Variants in CDK6 observed in about 807,000 individuals in gnomAD.
CDK6 encodes the protein cyclin-dependent kinase 6.
A neutral mutation model predicts 37.1 loss-of-function variants in CDK6; 6 were observed. The ratio of observed to expected loss-of-function variants is 0.16; its 90% CI spans 0.09 to 0.32. CDK6 has a LOEUF of 0.32. Ranked by LOEUF, CDK6 falls within the 10% of genes least tolerant of loss-of-function variation. The probability of loss-of-function intolerance (pLI) is 1.00; values close to 1 mark genes in which losing one functional copy is unlikely to be tolerated. For missense variants in CDK6, 224 were observed against 418.9 expected, an observed-to-expected ratio of 0.53 and a Z score of 4.06; for synonymous variants, 160 against 161.3, an observed-to-expected ratio of 0.99 and a Z score of 0.06.
intron 2 of CDK6, among the ~76,000 whole-genome samples, chr7:92,822,108 A>T (rs1226460343): frequency 6.6e-6 from 1 of 152,148 alleles, no homozygotes; most frequent in Non-Finnish European, 1.5e-5. Flanking sequence ...AACAAAAATG[A>T]GCAGTCACAG....
chr7:92,642,194 C>G (rs575902451), intron 5 of CDK6, among the ~76,000 whole-genome samples: 1 of 152,250 alleles, frequency 6.6e-6, no homozygotes, highest in Admixed American at 6.5e-5. Context: ...TCAGCTGACC[C>G]CACGCCTTGA....
At chr7:92,672,032 A>G (rs914118032) in intron 4 of CDK6, among the ~76,000 whole-genome samples, 1 of 150,582 alleles carries the variant, frequency 6.6e-6, no homozygotes, top group African/African-American at 2.5e-5. Flanking sequence ...CATACTGGGT[A>G]AAATGTACAC....
Position 92,796,292 on chromosome 7 carries a change from G to A in CDK6, c.234-21461C>T, listed in dbSNP as rs868244347. On this transcript the variant is annotated intron_variant, in intron 2 of 7. Transcript: ENST00000424848. ...TTGCATTTCTTTGTTTCAAGTAAAA[G>A]AAAAAGCAAAATTGACAAATTAGCA... 4.0e-5 allele frequency among the ~76,000 whole-genome samples: 6 copies of A among 151,772 alleles called. No homozygotes were observed. The East Asian group carries it at 9.6e-4, about 24-fold the overall frequency.
intron 4 of CDK6, among the ~76,000 whole-genome samples, chr7:92,713,384 C>T (rs1321807386): frequency 1.3e-5 from 2 of 152,052 alleles, no homozygotes; most frequent in Admixed American, 6.5e-5. Flanking sequence ...ATGCAAATTA[C>T]TTGATTTTAC....
At chr7:92,664,065 C>T (rs1328737198) in intron 5 of CDK6, among the ~76,000 whole-genome samples, 4 of 151,846 alleles carry the variant, frequency 2.6e-5, no homozygotes, top group Admixed American at 6.6e-5. Flanking sequence ...GGTGTGAACC[C>T]GGGAGGCGGA....
intron 5 of CDK6, among the ~76,000 whole-genome samples, chr7:92,666,546 G>A (rs995102641): frequency 1.3e-5 from 2 of 152,118 alleles, no homozygotes. Context: ...ATAAATAACC[G>A]GTCAAATCTC....
intron 3 of CDK6, among the ~76,000 whole-genome samples, chr7:92,747,760 T>C (rs1195710147): frequency 1.3e-5 from 2 of 152,218 alleles, no homozygotes; most frequent in Non-Finnish European, 2.9e-5. Context: ...ATGTATCTCA[T>C]TCTCCCTTTC....
intron 3 of CDK6, among the ~76,000 whole-genome samples, chr7:92,752,763 G>A (rs1366560804): frequency 6.6e-6 from 1 of 151,970 alleles, no homozygotes; most frequent in African/African-American, 2.4e-5. Context: ...GTAATGATTC[G>A]GTGCCTTCCC....
At chr7:92,641,294 TATTG>T (rs1585360188) in intron 5 of CDK6, among the ~76,000 whole-genome samples, 1 of 152,228 alleles carries the variant, frequency 6.6e-6, no homozygotes, top group African/African-American at 2.4e-5. Context: ...ACTCTGTTAT[TATTG>T]ATTGTCAGTC....
intron 3 of CDK6, among the ~76,000 whole-genome samples, chr7:92,729,393 T>C (rs1182617844): frequency 2.0e-5 from 3 of 152,362 alleles, no homozygotes; most frequent in African/African-American, 7.2e-5. Context: ...TTTTATGTTA[T>C]ACGGCACAGT....
chr7:92,701,096 T>A (rs1244474809), intron 4 of CDK6, among the ~76,000 whole-genome samples: 1 of 152,176 alleles, frequency 6.6e-6, no homozygotes, highest in African/African-American at 2.4e-5. Flanking sequence ...TTAAGGCTTC[T>A]TTGGAAAATA....
intron 4 of CDK6, among the ~76,000 whole-genome samples, chr7:92,694,879 T>A (rs1030930041): frequency 4.6e-5 from 7 of 152,182 alleles, no homozygotes; most frequent in African/African-American, 1.7e-4. Context: ...ATAATTTTTC[T>A]GTTCCTACCT....
At chr7:92,767,758 C>T (rs1469520482) in intron 3 of CDK6, among the ~76,000 whole-genome samples, 1 of 151,784 alleles carries the variant, frequency 6.6e-6, no homozygotes, top group Non-Finnish European at 1.5e-5. Flanking sequence ...TGTGTGGGGG[C>T]AGAGGGGTGC....
At chr7:92,802,677 T>C (rs1293040270) in intron 2 of CDK6, among the ~76,000 whole-genome samples, 1 of 152,224 alleles carries the variant, frequency 6.6e-6, no homozygotes, top group East Asian at 1.9e-4. Context: ...ATTTCCTCTA[T>C]ATAAAAATGC....
At chr7:92,756,138 G>A (rs1178555571) in intron 3 of CDK6, among the ~76,000 whole-genome samples, 1 of 146,900 alleles carries the variant, frequency 6.8e-6, no homozygotes, top group African/African-American at 2.6e-5. Context: ...ACAGATGAGT[G>A]AATAGAGGCA....
rs1186055104 is a variant in CDK6 at position 92,826,687 on chromosome 7, ATGAG to A, written c.233+6400_233+6403del. Among the ~76,000 whole-genome samples, 7 of 152,296 alleles carry A rather than the reference ATGAG, an allele frequency of 4.6e-5. No individual in the cohort carries two copies. In the East Asian group the frequency reaches 1.3e-3, roughly 29 times the overall value. On this transcript the variant is annotated intron_variant, in intron 2 of 7. Coordinates refer to ENST00000424848, the MANE Select transcript of CDK6 (RefSeq NM_001145306.2). ...ATGCATAGTCAGGAAAAGTTTAAAT[ATGAG>A]TAAGTATTTGAAGACTCTTACTAAA...
intron 4 of CDK6, among the ~76,000 whole-genome samples, chr7:92,708,888 T>G (rs1798024475): frequency 6.6e-6 from 1 of 152,186 alleles, no homozygotes; most frequent in Non-Finnish European, 1.5e-5. Context: ...TAGTAGTGAT[T>G]ACATCAGTAG....
At chr7:92,791,597 C>A (rs1800282817) in intron 2 of CDK6, among the ~76,000 whole-genome samples, 1 of 152,000 alleles carries the variant, frequency 6.6e-6, no homozygotes, top group Non-Finnish European at 1.5e-5. Flanking sequence ...ACAGGCTTGC[C>A]CTGGCTAACT....
At chr7:92,788,847 T>C (rs1211308750) in intron 2 of CDK6, among the ~76,000 whole-genome samples, 1 of 152,178 alleles carries the variant, frequency 6.6e-6, no homozygotes, top group African/African-American at 2.4e-5. Flanking sequence ...CCAGGCATGG[T>C]GGCTCATGCA....
Sources: allele counts gnomAD v4.1 joint callset (sites outside exome capture counted in the v4.1 genomes callset), GRCh38; gene constraint gnomAD v4.1.1; transcripts MANE v1.5; gene names NCBI Gene and HGNC (gene_info 2026-07-23, HGNC 2026-07-21).